Variants in CSMD1 observed in about 807,000 individuals in gnomAD.
The protein encoded by CSMD1 is CUB and Sushi multiple domains 1, also known as CUB and sushi domain-containing protein 1.
In CSMD1, 213 loss-of-function variants were observed where a neutral mutation model predicts 417.5. That is an observed-to-expected ratio of 0.51 (90% CI 0.46 to 0.57). The LOEUF is 0.57. Ranked by LOEUF, CSMD1 falls within the 20% of genes least tolerant of loss-of-function variation. The pLI is 0.00. For missense variants in CSMD1, 6,923 were observed against 4,529.7 expected (o/e 1.53, Z -15.17); for synonymous variants, 2,862 against 1,736.8 (o/e 1.65, Z -16.11).
At chr8:3,803,105 T>A (rs1239008414) in intron 5 of CSMD1, among the ~76,000 whole-genome samples, 1 of 152,206 alleles carries the variant, frequency 6.6e-6, no homozygotes. Context: ...TGCAGTGTTC[T>A]CTCCATCATG....
At chr8:4,180,852 A>G (rs1047768805) in intron 3 of CSMD1, among the ~76,000 whole-genome samples, 2 of 152,142 alleles carry the variant, frequency 1.3e-5, no homozygotes, top group African/African-American at 4.8e-5. Context: ...TGATATTTAA[A>G]AGCTCACGAT....
intron 1 of CSMD1, among the ~76,000 whole-genome samples, chr8:4,711,560 C>T (rs1001028820): frequency 6.6e-6 from 1 of 150,594 alleles, no homozygotes; most frequent in Non-Finnish European, 1.5e-5. Flanking sequence ...CAACAAAGGA[C>T]AGAGAAATTT....
chr8:3,955,415 G>C (rs1035351674), intron 5 of CSMD1, among the ~76,000 whole-genome samples: 3 of 152,092 alleles, frequency 2.0e-5, no homozygotes, highest in Admixed American at 6.5e-5. Flanking sequence ...TTCCATTTAA[G>C]ACACAGGTCA....
chr8:4,031,891 T>G lies in CSMD1; in HGVS notation c.610+14A>C. 2 of 1,604,398 alleles carry G rather than the reference T, an allele frequency of 1.2e-6. No homozygotes were observed. Among genetic ancestry groups the G allele is most frequent in the Non-Finnish European group, 1.7e-6 (2 of 1,173,682 alleles). Reference sequence around the variant, plus strand: ...CCCTGGAGTCTGCTCACCAGCCCCCTTGTAGCACTGTACCTCTGCAAAAGG... The same window carrying G: ...CCCTGGAGTCTGCTCACCAGCCCCCGTGTAGCACTGTACCTCTGCAAAAGG... On this transcript the variant is annotated intron_variant, in intron 4 of 69. Coordinates refer to ENST00000635120, the MANE Select transcript of CSMD1 (RefSeq NM_033225.6).
intron 2 of CSMD1, among the ~76,000 whole-genome samples, chr8:4,587,300 A>C (rs183302674): frequency 7.6e-4 from 116 of 152,140 alleles, no homozygotes; most frequent in African/African-American, 2.7e-3. Flanking sequence ...ATGTTCTTTT[A>C]CTCACTTTCT....
At chr8:4,462,212 C>A (rs759090770) in intron 2 of CSMD1, among the ~76,000 whole-genome samples, 20 of 152,100 alleles carry the variant, frequency 1.3e-4, no homozygotes, top group African/African-American at 4.3e-4. Flanking sequence ...TAGTAATAAG[C>A]TGAACATGAA....
intron 7 of CSMD1, among the ~76,000 whole-genome samples, chr8:3,695,538 T>G (rs1746517051): frequency 6.6e-6 from 1 of 152,178 alleles, no homozygotes; most frequent in Non-Finnish European, 1.5e-5. Flanking sequence ...AATATAATAT[T>G]TGCTAATTGC....
chr8:4,140,404 A>C (rs948170056), intron 3 of CSMD1, among the ~76,000 whole-genome samples: 2 of 150,992 alleles, frequency 1.3e-5, no homozygotes, highest in Admixed American at 1.3e-4. Context: ...AGCCTGAAGC[A>C]GGAGAATTGC....
chr8:3,314,709 T>C (rs973918930), intron 23 of CSMD1, among the ~76,000 whole-genome samples: 2 of 152,220 alleles, frequency 1.3e-5, no homozygotes, highest in Non-Finnish European at 2.9e-5. Flanking sequence ...ATATGTTGCA[T>C]GAATTACGCA....
chr8:4,719,244 C>G (rs1649887842), intron 1 of CSMD1, among the ~76,000 whole-genome samples: 1 of 152,122 alleles, frequency 6.6e-6, no homozygotes, highest in Admixed American at 6.6e-5. Flanking sequence ...TTAGATTTTG[C>G]ATTTTGTGCA....
In CSMD1 at chr8:4,216,169, C is replaced by G. The variant is rs778542406; in HGVS notation, c.416-184070G>C. 3.9e-5 allele frequency among the ~76,000 whole-genome samples: 6 copies of G among 152,204 alleles called. No homozygotes were observed. The South Asian group carries it at 1.0e-3, about 26-fold the overall frequency. On this transcript the variant is annotated intron_variant, in intron 3 of 69. Transcript: ENST00000635120. ...CATTTTTTCACAGGACAGGACCAGC[C>G]TATGACACTTGTGGCTTTGTCAACA...
At chr8:3,384,780 TAA>T (rs1307908214) in intron 18 of CSMD1, among the ~76,000 whole-genome samples, 45 of 121,668 alleles carry the variant, frequency 3.7e-4, no homozygotes, top group Middle Eastern at 5.7e-3. Flanking sequence ...TATATTTATA[TAA>T]TATATATTAA....
intron 3 of CSMD1, among the ~76,000 whole-genome samples, chr8:4,288,090 T>C (rs1475526165): frequency 1.3e-5 from 2 of 152,302 alleles, no homozygotes; most frequent in Non-Finnish European, 2.9e-5. Context: ...TACTGAGCCT[T>C]AGTTTTACTT....
At chr8:4,028,070 A>G (rs758017276) in intron 4 of CSMD1, among the ~76,000 whole-genome samples, 1 of 152,212 alleles carries the variant, frequency 6.6e-6, no homozygotes. Flanking sequence ...TTTTGACAAC[A>G]TAAAGATGAA....
intron 3 of CSMD1, among the ~76,000 whole-genome samples, chr8:4,395,897 A>C (rs7828854): frequency 6.6e-6 from 1 of 152,048 alleles, no homozygotes; most frequent in African/African-American, 2.4e-5. Context: ...AGAAACACAT[A>C]TAAGTGTAAT....
intron 8 of CSMD1, among the ~76,000 whole-genome samples, chr8:3,608,186 A>C (rs1295635099): frequency 6.6e-6 from 1 of 151,716 alleles, no homozygotes; most frequent in Non-Finnish European, 1.5e-5. Flanking sequence ...AAAAAAAAAA[A>C]AAAAAAGTAA....
At chr8:4,102,754 A>G (rs1801370894) in intron 3 of CSMD1, among the ~76,000 whole-genome samples, 2 of 152,192 alleles carry the variant, frequency 1.3e-5, no homozygotes, top group South Asian at 4.1e-4. Flanking sequence ...ATATTTTTGA[A>G]TTTAATTAGT....
chr8:4,903,005 TTAA>T (rs1424486052), intron 1 of CSMD1, among the ~76,000 whole-genome samples: 1 of 124,802 alleles, frequency 8.0e-6, no homozygotes, highest in Non-Finnish European at 1.6e-5. Flanking sequence ...ATAAATAATA[TTAA>T]TAATAAATAA....
intron 3 of CSMD1, among the ~76,000 whole-genome samples, chr8:4,182,518 C>A (rs1038600017): frequency 1.4e-4 from 22 of 152,170 alleles, no homozygotes; most frequent in African/African-American, 5.3e-4. Flanking sequence ...GTTGGACGGG[C>A]TATATATGCT....
Sources: gnomAD v4.1 joint callset for allele counts (sites outside exome capture counted in the v4.1 genomes callset) on GRCh38, gnomAD v4.1.1 for gene constraint, MANE v1.5 for transcripts, NCBI Gene and HGNC (gene_info 2026-07-23, HGNC 2026-07-21) for gene names.